Variants in AKR1E2 observed in about 807,000 individuals in gnomAD.
The protein encoded by AKR1E2 is aldo-keto reductase family 1 member E2, also known as 1,5-anhydro-D-fructose reductase.
Under a neutral mutation model 41.9 loss-of-function variants are expected in AKR1E2, and 43 were observed. That is an observed-to-expected ratio of 1.03 (90% CI 0.80 to 1.32). AKR1E2 has a LOEUF of 1.32. Ranked by LOEUF, AKR1E2 falls within the 40% of genes most tolerant of loss-of-function variation. AKR1E2 has a pLI of 0.00. For missense variants in AKR1E2, 423 were observed against 396.5 expected (o/e 1.07, Z -0.57); for synonymous variants, 121 against 138.9 (o/e 0.87, Z 0.91).
At chr10:4,839,951 C>G in intron 6 of AKR1E2, 125 bp downstream of exon 6, 1 of 838,608 alleles carries the variant, frequency 1.2e-6, no homozygotes, top group South Asian at 1.4e-5. Context: ...AGGGATGGTA[C>G]TATAGGGGGC....
chr10:4,830,674 G>C lies in AKR1E2; in HGVS notation c.40-1G>C, dbSNP rs1832898160. ...GACACTTTGTTTTGTTGGTTTTGCAGGCTTCTCCAGGGAAAGTGACCGAGG... is the reference window on the plus strand; with the variant it reads ...GACACTTTGTTTTGTTGGTTTTGCACGCTTCTCCAGGGAAAGTGACCGAGG... On this transcript the variant is annotated splice_acceptor_variant, in intron 1 of 9. Transcript: ENST00000298375. LOFTEE classifies it high-confidence loss of function. 1 of 1,613,710 alleles carries C rather than the reference G, an allele frequency of 6.2e-7. No individual in the cohort carries two copies. The highest frequency in any genetic ancestry group is 1.3e-5 in the African/African-American group (1 of 74,908).
chr10:4,839,799 C>G lies in AKR1E2; in HGVS notation c.653C>G (p.Thr218Ser). 7.4e-6 allele frequency: 12 copies of G among 1,614,124 alleles called. No homozygotes were observed. Among genetic ancestry groups the G allele is most frequent in the Non-Finnish European group, 1.0e-5 (12 of 1,180,016 alleles). Residue 218 changes from threonine to serine, a missense_variant, in exon 6 of 10, where the codon ACT (threonine) becomes AGT (serine). Coordinates refer to ENST00000298375, the MANE Select transcript of AKR1E2 (RefSeq NM_001040177.3). ...SFCQSRDVSV[T>S]AYRPLGGSCE... is the part of the protein sequence containing the mutation. ...TGCCAATCCAGAGATGTGTCCGTGA[C>G]TGCTTACCGTCCTCTTGGTGGCTCG...
In AKR1E2 at chr10:4,831,980, G is replaced by T. The variant is rs370733770; in HGVS notation, c.207+1138G>T. ...TGCAGGTGGAAGATGATGAAGGCCT[G>T]CACTGGCACAGTGGGTGAGGGAGGG... On this transcript the variant is annotated intron_variant, in intron 2 of 9. Coordinates refer to ENST00000298375, the MANE Select transcript of AKR1E2 (RefSeq NM_001040177.3). Among the ~76,000 whole-genome samples the T allele has an allele frequency of 1.2e-4, 18 of 152,334 alleles. No individual in the cohort carries two copies. The South Asian group carries it at 2.7e-3, about 23-fold the overall frequency.
chr10:4,862,304 A>G, the AKR1E2 span, among the ~76,000 whole-genome samples: 39,020 of 152,058 alleles, frequency 0.26, 5,231 homozygotes, highest in Middle Eastern at 0.36. Context: ...CTGTTTTGGT[A>G]CCAGTACCAT....
intron 2 of AKR1E2, among the ~76,000 whole-genome samples, chr10:4,832,644 A>G (rs12571976): frequency 0.035 from 5,390 of 152,344 alleles, 149 homozygotes; most frequent in East Asian, 0.11. Flanking sequence ...ACAATGGAAT[A>G]CATTTACTTC....
intron 2 of AKR1E2, among the ~76,000 whole-genome samples, chr10:4,832,800 G>A (rs984744531): frequency 6.6e-6 from 1 of 152,012 alleles, no homozygotes; most frequent in African/African-American, 2.4e-5. Context: ...CTTCAGGTTA[G>A]CTTATGTCAC....
chr10:4,855,454 C>T, the AKR1E2 span, among the ~76,000 whole-genome samples: 39,262 of 151,990 alleles, frequency 0.26, 5,274 homozygotes, highest in Middle Eastern at 0.37. Context: ...AGAAAAAAAC[C>T]GGATGAGGTT....
At chr10:4,842,308 G>A (rs1170454684) in intron 7 of AKR1E2, 113 bp from the exon 8 acceptor site, 2 of 860,680 alleles carry the variant, frequency 2.3e-6, no homozygotes, top group Non-Finnish European at 3.8e-6. Flanking sequence ...AACAATAGCT[G>A]CTGTCATTGA....
rs78833207 is a variant in AKR1E2 at position 4,837,055 on chromosome 10, G to A, written c.460-404G>A. Among the ~76,000 whole-genome samples, 928 of 152,308 alleles carry A rather than the reference G, an allele frequency of 6.1e-3. 13 individuals are homozygous for A. Among genetic ancestry groups the A allele is most frequent in the Non-Finnish European group, 7.2e-3 (492 of 68,028 alleles). ...GGTCAGTGTCTCAGTGGAAAGAAAG[G>A]TGAACAAATAAAATCCGCAGCAGAC... On this transcript the variant is annotated intron_variant, in intron 4 of 9. Transcript: ENST00000298375.
chr10:4,868,914 A>G, the AKR1E2 span, among the ~76,000 whole-genome samples: 13 of 152,126 alleles, frequency 8.5e-5, no homozygotes, highest in Admixed American at 3.3e-4. Context: ...AATTCTTTTT[A>G]TATTTTTTTA....
chr10:4,851,199 T>C (rs761846889), downstream of AKR1E2, among the ~76,000 whole-genome samples: 1 of 152,246 alleles, frequency 6.6e-6, no homozygotes, highest in African/African-American at 2.4e-5. Flanking sequence ...GTGTCTTCAT[T>C]GTGTTCCTTT....
the AKR1E2 span, among the ~76,000 whole-genome samples, chr10:4,863,237 G>C: frequency 6.6e-6 from 1 of 152,108 alleles, no homozygotes; most frequent in South Asian, 2.1e-4. Flanking sequence ...AAATGTAAAA[G>C]AACAGAAATT....
chr10:4,859,411 G>A, the AKR1E2 span, among the ~76,000 whole-genome samples: 1 of 152,164 alleles, frequency 6.6e-6, no homozygotes, highest in Non-Finnish European at 1.5e-5. Context: ...AGGATATACT[G>A]GATATAAGAT....
the AKR1E2 span, among the ~76,000 whole-genome samples, chr10:4,856,467 G>A: frequency 6.6e-6 from 1 of 152,144 alleles, no homozygotes; most frequent in African/African-American, 2.4e-5. Flanking sequence ...TTACCTTATG[G>A]TCAAAGTGAA....
At chr10:4,851,790 G>A (rs529117630), downstream of AKR1E2, among the ~76,000 whole-genome samples, 112 of 152,332 alleles carry the variant, frequency 7.4e-4, no homozygotes, top group African/African-American at 2.6e-3. Context: ...TTTGACTCGG[G>A]AAATCTGGCT....
intron 1 of AKR1E2, among the ~76,000 whole-genome samples, chr10:4,827,003 GA>G (rs1832577100): frequency 6.7e-6 from 1 of 149,242 alleles, no homozygotes; most frequent in Non-Finnish European, 1.5e-5. Flanking sequence ...TGGAGACCAG[GA>G]AGTCGATGCT....
chr10:4,867,756 C>T, the AKR1E2 span, among the ~76,000 whole-genome samples: 2,844 of 152,302 alleles, frequency 0.019, 34 homozygotes, highest in Non-Finnish European at 0.025. Flanking sequence ...ATAAGAACAG[C>T]GTTGGCCTTC....
At chr10:4,856,296 T>A in the AKR1E2 span, among the ~76,000 whole-genome samples, 1 of 152,232 alleles carries the variant, frequency 6.6e-6, no homozygotes, top group Non-Finnish European at 1.5e-5. Context: ...AAAGAAATTC[T>A]GTTTGTGAAC....
At chr10:4,865,719 G>C in the AKR1E2 span, among the ~76,000 whole-genome samples, 1 of 152,168 alleles carries the variant, frequency 6.6e-6, no homozygotes, top group Admixed American at 6.5e-5. Flanking sequence ...GTCTCCTAGA[G>C]ATAATCGGTA....
Sources: allele counts gnomAD v4.1 joint callset (sites outside exome capture counted in the v4.1 genomes callset), GRCh38; gene constraint gnomAD v4.1.1; transcripts MANE v1.5; gene names NCBI Gene and HGNC (gene_info 2026-07-23, HGNC 2026-07-21).